Variants in MAP4K5 observed in about 807,000 individuals in gnomAD.
The protein encoded by MAP4K5 is MAPK/ERK kinase kinase kinase 5.
MAP4K5 carries 82 observed loss-of-function variants against 135.6 expected under a neutral mutation model. The observed-to-expected ratio is 0.60, with a 90% CI of 0.51 to 0.73. The LOEUF is 0.73. MAP4K5 is among the 30% of genes least tolerant of loss of function. The probability of loss-of-function intolerance (pLI) is 0.00; values close to 1 mark genes in which losing one functional copy is unlikely to be tolerated. For synonymous variants in MAP4K5, 347 were observed against 335.0 expected (o/e 1.04, Z -0.39); for missense variants, 907 against 1,010.9 (o/e 0.90, Z 1.39).
At position 50,519,524 on chromosome 14, in the gene MAP4K5, C is replaced by T. The variant is rs376766677; in HGVS notation, c.108+12418G>A. Reference sequence around the variant, plus strand: ...CAAAAATTAGTCAAGTGTGGTGGCACGCACCTGTAGTCCCAGCTACTCGGG... The same window carrying T: ...CAAAAATTAGTCAAGTGTGGTGGCATGCACCTGTAGTCCCAGCTACTCGGG... On this transcript the variant is annotated intron_variant, in intron 2 of 32. Coordinates refer to ENST00000682126, the MANE Select transcript of MAP4K5 (RefSeq NM_006575.6). Among the ~76,000 whole-genome samples, 49 of 151,950 alleles carry T rather than the reference C, an allele frequency of 3.2e-4. 1 individual carries two copies. The East Asian group carries it at 5.2e-3, about 16-fold the overall frequency.
At chr14:50,503,004 G>T (rs995134919) in intron 3 of MAP4K5, among the ~76,000 whole-genome samples, 1 of 151,698 alleles carries the variant, frequency 6.6e-6, no homozygotes, top group Admixed American at 6.6e-5. Flanking sequence ...TTATCTAGGA[G>T]AAAAGGCCTA....
At chr14:50,513,392 T>C (rs1297782564) in intron 2 of MAP4K5, among the ~76,000 whole-genome samples, 1 of 152,192 alleles carries the variant, frequency 6.6e-6, no homozygotes, top group African/African-American at 2.4e-5. Context: ...AGTAATATTA[T>C]GCAATTGCCA....
At chr14:50,456,406 T>C in intron 14 of MAP4K5, 110 bp downstream of exon 14, 1 of 774,466 alleles carries the variant, frequency 1.3e-6, no homozygotes, top group Non-Finnish European at 2.2e-6. Context: ...TATTCTGATA[T>C]GTTGAAGTAT....
At position 50,560,330 on chromosome 14, in the gene MAP4K5, G is replaced by A. The variant is rs375532254; in HGVS notation, c.-180+710C>T. ...TAGCAAATGAGAACTTCTGCAGCCT[G>A]CACGGGGTCTTCTGGCCCTCCACTT... On this transcript the variant is annotated intron_variant, in intron 1 of 8. Transcript: ENST00000555216. The A allele has an allele frequency of 3.0e-5, 49 of 1,612,080 alleles. No individual in the cohort carries two copies. In the African/African-American group the frequency reaches 5.3e-4, roughly 18 times the overall value.
chr14:50,558,022 T>C (rs1031373500), intron 1 of MAP4K5, among the ~76,000 whole-genome samples: 2 of 152,202 alleles, frequency 1.3e-5, no homozygotes, highest in African/African-American at 4.8e-5. Context: ...TGGTGATGCA[T>C]AGCACAATTT....
rs74373442 is a variant in MAP4K5, at chr14:50,451,871, T to C, written c.1016-3039A>G. 5.8e-3 allele frequency among the ~76,000 whole-genome samples: 880 copies of C among 152,276 alleles called. 3 individuals are homozygous for C. The highest frequency in any genetic ancestry group is 0.01 in the Non-Finnish European group (688 of 68,014). On this transcript the variant is annotated intron_variant, in intron 14 of 32. Coordinates refer to ENST00000682126, the MANE Select transcript of MAP4K5 (RefSeq NM_006575.6). Reference sequence around the variant, plus strand: ...AGAAACACTTACCTCCCTAGAACTGTTACTAAAGAGATTTGTAAGACAATA... The same window carrying C: ...AGAAACACTTACCTCCCTAGAACTGCTACTAAAGAGATTTGTAAGACAATA...
chr14:50,477,816 T>C (rs2037136670), intron 6 of MAP4K5, among the ~76,000 whole-genome samples: 1 of 152,214 alleles, frequency 6.6e-6, no homozygotes, highest in South Asian at 2.1e-4. Flanking sequence ...ACTCCACTTA[T>C]GATGTATTAA....
At chr14:50,437,398 A>C in intron 26 of MAP4K5, 78 bp downstream of exon 26, 2 of 1,131,432 alleles carry the variant, frequency 1.8e-6, no homozygotes, top group South Asian at 3.0e-5. Flanking sequence ...TTCCTATTTG[A>C]TTCCATACGA....
In MAP4K5 at chr14:50,464,137, A is replaced by G. The variant is rs1187272284; in HGVS notation, c.738-4T>C. On this transcript the variant is annotated splice_region_variant and splice_polypyrimidine_tract_variant and intron_variant, in intron 11 of 32. Coordinates refer to ENST00000682126, the MANE Select transcript of MAP4K5 (RefSeq NM_006575.6). ...AAAATTATGGAATGTTGATGACCTT[A>G]AAATAAAAAGAGACGTACAAAAATA... 2 of 1,447,802 alleles carry G rather than the reference A, an allele frequency of 1.4e-6. No individual in the cohort carries two copies. The highest frequency in any genetic ancestry group is 1.9e-6 in the Non-Finnish European group (2 of 1,056,462). The allele number at this position is 1,447,802 out of a possible 1,614,324, so 89.7% of individuals were successfully genotyped here.
intron 2 of MAP4K5, among the ~76,000 whole-genome samples, chr14:50,519,585 C>T (rs946268375): frequency 2.0e-5 from 3 of 151,736 alleles, no homozygotes; most frequent in African/African-American, 4.8e-5. Flanking sequence ...ACCTGGGAGG[C>T]GGAGGTTGTA....
intron 3 of MAP4K5, among the ~76,000 whole-genome samples, chr14:50,500,295 C>T (rs1214981330): frequency 6.6e-6 from 1 of 152,050 alleles, no homozygotes; most frequent in South Asian, 2.1e-4. Flanking sequence ...TCCTATGCAG[C>T]GAACTAAAAT....
intron 31 of MAP4K5, among the ~76,000 whole-genome samples, chr14:50,424,723 AAAAAAG>A: frequency 6.8e-6 from 1 of 147,562 alleles, no homozygotes; most frequent in African/African-American, 2.5e-5. Flanking sequence ...AAAAAAAAAA[AAAAAAG>A]AGTTAAAAAT....
rs935799129 is a variant in MAP4K5, at chr14:50,489,625, T to C, written c.167-3431A>G. The stretch of plus-strand genomic sequence containing the variant: ...GGATTAATCACTACCAGTCTGATCA[T>C]AGCCCTCCTAACAAAATCTACCTCC... On this transcript the variant is annotated intron_variant, in intron 3 of 32. Transcript: ENST00000682126. Among the ~76,000 whole-genome samples the C allele has an allele frequency of 6.6e-5, 10 of 152,340 alleles. No homozygotes were observed. The South Asian group carries it at 1.7e-3, about 25-fold the overall frequency.
chr14:50,445,202 T>G lies in MAP4K5; in HGVS notation c.1186-8A>C, dbSNP rs1231188518. 6.2e-7 allele frequency: 1 copy of G among 1,610,918 alleles called. No homozygotes were observed. The highest frequency in any genetic ancestry group is 8.5e-7 in the Non-Finnish European group (1 of 1,178,580). On this transcript the variant is annotated splice_region_variant and splice_polypyrimidine_tract_variant and intron_variant, in intron 17 of 32. Coordinates refer to ENST00000682126, the MANE Select transcript of MAP4K5 (RefSeq NM_006575.6). ...GTAACTGCTTATCCTTGGCTAGTGG[T>G]ACAAAGACAAAAAAGTACTTTAACA...
At chr14:50,533,552 G>A (rs200670568), upstream of MAP4K5, among the ~76,000 whole-genome samples, 23 of 152,250 alleles carry the variant, frequency 1.5e-4, no homozygotes, top group East Asian at 4.3e-3. Flanking sequence ...TTCCAGTCTT[G>A]CTCTGAAGGT....
chr14:50,478,982 T>C (rs1258006064), intron 6 of MAP4K5, among the ~76,000 whole-genome samples: 2 of 135,146 alleles, frequency 1.5e-5, no homozygotes, highest in East Asian at 2.2e-4. Flanking sequence ...ATTTGATTCA[T>C]GTGTCTTAGT....
At chr14:50,546,143 AG>A (rs750575946) in intron 1 of MAP4K5, among the ~76,000 whole-genome samples, 3 of 152,372 alleles carry the variant, frequency 2.0e-5, no homozygotes, top group Admixed American at 6.5e-5. Context: ...AAGAAAAAAA[AG>A]AGGGTAAAAG....
At chr14:50,464,188 T>G in intron 11 of MAP4K5, 55 bp from the exon 12 acceptor site, 1 of 866,810 alleles carries the variant, frequency 1.2e-6, no homozygotes, top group South Asian at 1.5e-5. Flanking sequence ...GTTTCGGTGT[T>G]AGTAAATAAC....
intron 9 of MAP4K5, among the ~76,000 whole-genome samples, chr14:50,470,075 G>T (rs1484894182): frequency 1.3e-5 from 2 of 152,170 alleles, no homozygotes; most frequent in Admixed American, 6.5e-5. Context: ...ATAATTGAAG[G>T]CAAGTTTCAC....
Sources: allele counts gnomAD v4.1 joint callset (sites outside exome capture counted in the v4.1 genomes callset), GRCh38; gene constraint gnomAD v4.1.1; transcripts MANE v1.5; gene names NCBI Gene and HGNC (gene_info 2026-07-23, HGNC 2026-07-21).